Variants in TCF12 observed in about 807,000 individuals in gnomAD.
TCF12 encodes the protein DNA-binding protein HTF4.
Under a neutral mutation model 86.0 loss-of-function variants are expected in TCF12, and 45 were observed. That is an observed-to-expected ratio of 0.52 (90% CI 0.41 to 0.67). TCF12 has a LOEUF of 0.67. Among genes scored for constraint, TCF12 ranks in the 30% least tolerant of loss-of-function variants. The probability of loss-of-function intolerance (pLI) is 0.00; values close to 1 mark genes in which losing one functional copy is unlikely to be tolerated. For synonymous variants in TCF12, 330 were observed against 299.6 expected (o/e 1.10, Z -1.05); for missense variants, 881 against 859.9 (o/e 1.02, Z -0.31).
At chr15:57,180,171 T>G (rs144248366) in intron 6 of TCF12, among the ~76,000 whole-genome samples, 1 of 152,290 alleles carries the variant, frequency 6.6e-6, no homozygotes, top group East Asian at 1.9e-4. Context: ...TGTAGAAAAT[T>G]AACAGAAGAC....
intron 3 of TCF12, among the ~76,000 whole-genome samples, chr15:57,053,640 A>G (rs2067789810): frequency 6.6e-6 from 1 of 150,552 alleles, no homozygotes; most frequent in Non-Finnish European, 1.5e-5. Flanking sequence ...TTGTAGATAA[A>G]TTTTATTTGA....
chr15:56,938,359 C>A (rs2060575928), intron 3 of TCF12, among the ~76,000 whole-genome samples: 1 of 152,088 alleles, frequency 6.6e-6, no homozygotes, highest in East Asian at 1.9e-4. Context: ...CGGGGTTTCA[C>A]CATGTTGGCC....
At chr15:57,233,516 A>T (rs1312429200) in intron 11 of TCF12, among the ~76,000 whole-genome samples, 2 of 151,688 alleles carry the variant, frequency 1.3e-5, no homozygotes, top group Non-Finnish European at 2.9e-5. Context: ...TTTATTTTTG[A>T]GACAGGGTCT....
At chr15:57,117,284 T>C (rs1315378351) in intron 5 of TCF12, among the ~76,000 whole-genome samples, 2 of 152,058 alleles carry the variant, frequency 1.3e-5, no homozygotes, top group African/African-American at 4.8e-5. Context: ...CCCCTGCCTC[T>C]GCCTCCCAAA....
intron 13 of TCF12, chr15:57,247,610 T>C: frequency 1.2e-6 from 1 of 812,176 alleles, no homozygotes; most frequent in Admixed American, 1.7e-5. Context: ...GCCATACTTT[T>C]CAAAGTAGTC....
Position 56,952,189 on chromosome 15 carries a change from T to TACACACAC in TCF12, c.148+31103_148+31110dup, listed in dbSNP as rs58480587. 6.7e-3 allele frequency among the ~76,000 whole-genome samples: 1,009 copies of TACACACAC among 150,398 alleles called. 14 individuals carry two copies. The highest frequency in any genetic ancestry group is 0.019 in the African/African-American group (775 of 41,190). ...TATAAAAAAGGCTTTTTTGTGTATA[T>TACACACAC]ACACACACACACACACACAAATACA... On this transcript the variant is annotated intron_variant, in intron 3 of 20. Coordinates refer to ENST00000333725, the MANE Select transcript of TCF12 (RefSeq NM_207037.2).
chr15:57,093,549 G>A lies in TCF12; in HGVS notation c.325+1658G>A, dbSNP rs373771886. 7.2e-5 allele frequency among the ~76,000 whole-genome samples: 11 copies of A among 152,280 alleles called. No individual in the cohort carries two copies. The South Asian group carries it at 1.4e-3, about 20-fold the overall frequency. On this transcript the variant is annotated intron_variant, in intron 5 of 20. Transcript: ENST00000333725. Reference sequence around the variant, plus strand: ...TAGTACAGCTTTGTACCAAGGTGACGATTAAAATTTTGTACGGGACAAGTG... The same window carrying A: ...TAGTACAGCTTTGTACCAAGGTGACAATTAAAATTTTGTACGGGACAAGTG...
At chr15:57,277,510 T>A (rs1463090937) in intron 19 of TCF12, among the ~76,000 whole-genome samples, 2 of 151,074 alleles carry the variant, frequency 1.3e-5, no homozygotes, top group African/African-American at 4.9e-5. Context: ...GCGCAAGTAG[T>A]CCCAGCTACT....
intron 3 of TCF12, among the ~76,000 whole-genome samples, chr15:56,940,917 C>CTTTTTTT (rs539031767): frequency 7.4e-6 from 1 of 134,464 alleles, no homozygotes; most frequent in Non-Finnish European, 1.6e-5. Flanking sequence ...CCCAGCTGCT[C>CTTTTTTT]TTTTTTTTTT....
Position 57,063,823 on chromosome 15 carries a change from A to T in TCF12, c.222A>T (p.Arg74Ser). Residue 74 changes from arginine to serine, a missense_variant and splice_region_variant, in exon 4 of 21, where the codon AGA becomes AGT. Physicochemically the swap from Arg to Ser is moderately radical, Grantham distance 110. Coordinates refer to ENST00000333725, the MANE Select transcript of TCF12 (RefSeq NM_207037.2). Reference sequence around the variant, plus strand: ...CAAGTCCTTCCTATGATTCATCTAGAGTAAGTTTGCTGATCAACCCTTGAT... The same window carrying T: ...CAAGTCCTTCCTATGATTCATCTAGTGTAAGTTTGCTGATCAACCCTTGAT... ...GQPSPSYDSS[R>S]GFTDSPHYSD... is the part of the protein sequence containing the mutation. The T allele has an allele frequency of 6.3e-7, 1 of 1,585,950 alleles. No individual in the cohort carries two copies.
At chr15:56,981,804 A>C (rs2062907731) in intron 3 of TCF12, among the ~76,000 whole-genome samples, 1 of 152,238 alleles carries the variant, frequency 6.6e-6, no homozygotes, top group Non-Finnish European at 1.5e-5. Context: ...AGACAAGTGC[A>C]AACATTAAGA....
In TCF12 at chr15:57,151,106, T is replaced by C. The variant is rs374699377; in HGVS notation, c.326-15296T>C. On this transcript the variant is annotated intron_variant, in intron 5 of 20. Transcript: ENST00000333725. ...GATCCTCCTGCTTCACCCTCCCAAG[T>C]AGCTAGGACTGCAAGGATGCACCAT... Among the ~76,000 whole-genome samples, 100 of 151,444 alleles carry C rather than the reference T, an allele frequency of 6.6e-4. No individual in the cohort carries two copies. The South Asian group carries it at 0.02, about 31-fold the overall frequency.
chr15:57,075,800 T>TCTCTCTCTCTCTCTC (rs1567370475), intron 4 of TCF12, among the ~76,000 whole-genome samples: 5 of 20,498 alleles, frequency 2.4e-4, no homozygotes, highest in Non-Finnish European at 5.5e-4. Flanking sequence ...CTTTCTTTCT[T>TCTCTCTCTCTCTCTC]TCTTTCTCTC....
At chr15:56,995,373 A>G (rs1426120785) in intron 3 of TCF12, among the ~76,000 whole-genome samples, 1 of 150,446 alleles carries the variant, frequency 6.6e-6, no homozygotes, top group Non-Finnish European at 1.5e-5. Flanking sequence ...AATAGTGTTG[A>G]ATCTGTAAAT....
chr15:57,163,271 T>C (rs2054622136), intron 5 of TCF12, among the ~76,000 whole-genome samples: 2 of 152,214 alleles, frequency 1.3e-5, no homozygotes, highest in South Asian at 4.1e-4. Flanking sequence ...TACATAATTA[T>C]TTTTAAAAAC....
chr15:57,221,545 G>T (rs569811993), intron 8 of TCF12, among the ~76,000 whole-genome samples: 1 of 151,974 alleles, frequency 6.6e-6, no homozygotes, highest in South Asian at 2.1e-4. Flanking sequence ...TTGGGAGGGG[G>T]GTAGGGGGAG....
intron 5 of TCF12, among the ~76,000 whole-genome samples, chr15:57,152,457 A>G (rs1449655706): frequency 1.3e-5 from 2 of 152,178 alleles, no homozygotes; most frequent in Admixed American, 6.5e-5. Context: ...TATTGAAAGG[A>G]TCTAGTGGGA....
chr15:57,222,346 A>C (rs2058638174), intron 8 of TCF12, among the ~76,000 whole-genome samples: 1 of 151,838 alleles, frequency 6.6e-6, no homozygotes, highest in Non-Finnish European at 1.5e-5. Flanking sequence ...TTATTACCTA[A>C]AATTGTATGG....
intron 5 of TCF12, among the ~76,000 whole-genome samples, chr15:57,121,766 C>T (rs994668701): frequency 1.3e-5 from 2 of 152,106 alleles, no homozygotes; most frequent in Non-Finnish European, 2.9e-5. Context: ...TGTAAATTAC[C>T]GATTCTATGG....
Sources: gnomAD v4.1 joint callset for allele counts (sites outside exome capture counted in the v4.1 genomes callset) on GRCh38, gnomAD v4.1.1 for gene constraint, MANE v1.5 for transcripts, NCBI Gene and HGNC (gene_info 2026-07-23, HGNC 2026-07-21) for gene names.